The following SCFD2 variants were observed in gnomAD, a reference collection of about 807,000 sequenced individuals.
The protein encoded by SCFD2 is sec1 family domain-containing protein 2.
In SCFD2, 54 loss-of-function variants were observed where a neutral mutation model predicts 58.9. That is an observed-to-expected ratio of 0.92 (90% CI 0.74 to 1.15). The LOEUF (loss-of-function observed/expected upper bound fraction) is 1.15. SCFD2 is among the 50% of genes most tolerant of loss of function. The pLI is 0.00. For missense variants in SCFD2, 805 were observed against 836.6 expected (o/e 0.96, Z 0.47); for synonymous variants, 321 against 335.9 (o/e 0.96, Z 0.49).
rs183763641 is a variant in SCFD2 at position 52,952,910 on chromosome 4, T to C, written c.1562-32040A>G. 1.3e-4 allele frequency among the ~76,000 whole-genome samples: 20 copies of C among 152,292 alleles called. No homozygotes were observed. In the East Asian group the frequency reaches 3.7e-3, roughly 28 times the overall value. ...AAGTCACCAAACAGAAGGGAACCAG[T>C]GATAAAATGAATGCTAACATCTTGA... On this transcript the variant is annotated intron_variant, in intron 5 of 8. Transcript: ENST00000401642.
At chr4:53,335,105 A>T (rs1733634186) in intron 2 of SCFD2, among the ~76,000 whole-genome samples, 1 of 151,310 alleles carries the variant, frequency 6.6e-6, no homozygotes, top group Non-Finnish European at 1.5e-5. Flanking sequence ...CTGAGGCTCA[A>T]GAATTGCTGA....
intron 4 of SCFD2, among the ~76,000 whole-genome samples, chr4:53,229,031 G>C (rs1367995946): frequency 1.3e-5 from 2 of 152,226 alleles, no homozygotes; most frequent in Admixed American, 6.5e-5. Flanking sequence ...TTGCTTCAAA[G>C]AGAATAAAAA....
chr4:53,031,887 T>C (rs1159389908), intron 5 of SCFD2, among the ~76,000 whole-genome samples: 1 of 152,146 alleles, frequency 6.6e-6, no homozygotes, highest in African/African-American at 2.4e-5. Context: ...CCAGGAGAAC[T>C]TCCCCAACCT....
chr4:53,284,304 A>T (rs4864743), intron 3 of SCFD2, among the ~76,000 whole-genome samples: 108,395 of 151,784 alleles, frequency 0.71, 38,874 homozygotes, highest in Middle Eastern at 0.8. Context: ...TTTCTTATTG[A>T]TTGTTTATTT....
chr4:52,907,007 C>A (rs538797305), intron 7 of SCFD2, among the ~76,000 whole-genome samples: 67 of 152,272 alleles, frequency 4.4e-4, no homozygotes, highest in Non-Finnish European at 8.2e-4. Context: ...GTCTGCCAGT[C>A]CAAAAGTCAT....
chr4:52,975,943 T>C (rs554656551), intron 5 of SCFD2, among the ~76,000 whole-genome samples: 14 of 145,416 alleles, frequency 9.6e-5, no homozygotes, highest in African/African-American at 3.6e-4. Context: ...AAACACCACA[T>C]GTTCTCACTC....
At chr4:53,082,018 G>A (rs566940474) in intron 5 of SCFD2, among the ~76,000 whole-genome samples, 2 of 152,268 alleles carry the variant, frequency 1.3e-5, no homozygotes, top group East Asian at 3.9e-4. Context: ...CATCCATGTT[G>A]TAGCATGTGT....
intron 1 of SCFD2, among the ~76,000 whole-genome samples, chr4:53,359,267 T>C (rs1337450113): frequency 2.0e-5 from 3 of 152,180 alleles, no homozygotes; most frequent in Admixed American, 2.0e-4. Flanking sequence ...ATATAAATTT[T>C]CTAATAGTAA....
chr4:53,100,008 C>T (rs1382886867), intron 5 of SCFD2, among the ~76,000 whole-genome samples: 1 of 152,076 alleles, frequency 6.6e-6, no homozygotes, highest in Non-Finnish European at 1.5e-5. Context: ...TTGGAAGTCT[C>T]ATAAATACCA....
intron 4 of SCFD2, among the ~76,000 whole-genome samples, chr4:53,266,205 T>C (rs1730979838): frequency 1.3e-5 from 2 of 152,154 alleles, no homozygotes; most frequent in Admixed American, 1.3e-4. Flanking sequence ...ACAAACTCAT[T>C]CTTCCTTAAT....
At chr4:53,350,184 T>C (rs1331612450) in intron 2 of SCFD2, among the ~76,000 whole-genome samples, 1 of 152,180 alleles carries the variant, frequency 6.6e-6, no homozygotes, top group African/African-American at 2.4e-5. Flanking sequence ...TGATAAGTGT[T>C]TCCATTTTCC....
At position 52,976,812 on chromosome 4, in the gene SCFD2, A is replaced by G. The variant is rs576479623; in HGVS notation, c.1562-55942T>C. 2.0e-5 allele frequency among the ~76,000 whole-genome samples: 3 copies of G among 152,304 alleles called. No homozygotes were observed. In the East Asian group the frequency reaches 5.8e-4, roughly 29 times the overall value. On this transcript the variant is annotated intron_variant, in intron 5 of 8. Transcript: ENST00000401642. Reference sequence around the variant, plus strand: ...ATTCACTCATATTGAGAAGGATGACAGAGTTGAGATTTTGGCACTGGCTCT... The same window carrying G: ...ATTCACTCATATTGAGAAGGATGACGGAGTTGAGATTTTGGCACTGGCTCT...
At position 52,900,194 on chromosome 4, in the gene SCFD2, G is replaced by A. The variant is rs186880501; in HGVS notation, c.1842+7263C>T. On this transcript the variant is annotated intron_variant, in intron 7 of 8. Transcript: ENST00000401642. ...CCAGTTTTGTTCCGTTGCTGGTGAG[G>A]AGCTGCGTTCCTTTGGAGGAGGAGA... Among the ~76,000 whole-genome samples the A allele has an allele frequency of 3.3e-4, 51 of 152,284 alleles. 1 individual carries two copies. Among genetic ancestry groups the A allele is most frequent in the Admixed American group, 1.2e-3 (19 of 15,284 alleles).
chr4:53,242,757 G>A (rs1428498861), intron 4 of SCFD2, among the ~76,000 whole-genome samples: 1 of 152,180 alleles, frequency 6.6e-6, no homozygotes, highest in Admixed American at 6.5e-5. Context: ...GGAGCTGACA[G>A]ACAAAATAGC....
intron 4 of SCFD2, among the ~76,000 whole-genome samples, chr4:53,214,328 CTT>C (rs201764296): frequency 0.085 from 12,966 of 152,032 alleles, 974 homozygotes; most frequent in African/African-American, 0.18. Flanking sequence ...TGTTTCCTGA[CTT>C]TTTGATGATC....
intron 3 of SCFD2, among the ~76,000 whole-genome samples, chr4:53,275,126 G>A (rs954472441): frequency 6.6e-6 from 1 of 152,176 alleles, no homozygotes; most frequent in African/African-American, 2.4e-5. Context: ...CGAGGCTTGT[G>A]CTGCATCTAT....
At chr4:53,343,704 A>G (rs147135431) in intron 2 of SCFD2, among the ~76,000 whole-genome samples, 2,559 of 152,328 alleles carry the variant, frequency 0.017, 79 homozygotes, top group African/African-American at 0.058. Context: ...AAAATCCCCA[A>G]TAAAATACTG....
chr4:53,160,775 G>A lies in SCFD2; in HGVS notation c.1312-15193C>T, dbSNP rs377468451. ...AGCAGATGAAAATAAACACAGAAAG[G>A]TTAATCTCAAAGTATCAACGTGCTT... On this transcript the variant is annotated intron_variant, in intron 4 of 8. Transcript: ENST00000401642. Among the ~76,000 whole-genome samples the A allele has an allele frequency of 4.6e-5, 7 of 152,246 alleles. No individual in the cohort carries two copies. In the East Asian group the frequency reaches 1.3e-3, roughly 29 times the overall value.
At chr4:53,218,187 C>T (rs1728919734) in intron 4 of SCFD2, among the ~76,000 whole-genome samples, 1 of 152,126 alleles carries the variant, frequency 6.6e-6, no homozygotes, top group Non-Finnish European at 1.5e-5. Context: ...GGAATGTTGG[C>T]CTGCCTTGCT....
Sources: gnomAD v4.1 joint callset for allele counts (sites outside exome capture counted in the v4.1 genomes callset) on GRCh38, gnomAD v4.1.1 for gene constraint, MANE v1.5 for transcripts, NCBI Gene and HGNC (gene_info 2026-07-23, HGNC 2026-07-21) for gene names.